Variants in CFAP61 observed in about 807,000 individuals in gnomAD.
CFAP61 encodes the protein cilia- and flagella-associated protein 61.
In CFAP61, 107 loss-of-function variants were observed where a neutral mutation model predicts 135.6. That is an observed-to-expected ratio of 0.79 (90% CI 0.67 to 0.93). The LOEUF (loss-of-function observed/expected upper bound fraction) is 0.93. CFAP61 is among the 40% of genes least tolerant of loss of function. The pLI is 0.00. For synonymous variants in CFAP61, 575 were observed against 578.5 expected (o/e 0.99, Z 0.09); for missense variants, 1,507 against 1,556.2 (o/e 0.97, Z 0.53).
chr20:20,085,450 A>G, intron 6 of CFAP61: 1 of 1,365,806 alleles, frequency 7.3e-7, no homozygotes, highest in Non-Finnish European at 9.8e-7. Context: ...CTCTTTATCC[A>G]TTTTGGGAAA....
intron 25 of CFAP61, among the ~76,000 whole-genome samples, chr20:20,314,778 T>C (rs1418393072): frequency 3.7e-5 from 5 of 133,726 alleles, no homozygotes; most frequent in Non-Finnish European, 7.8e-5. Flanking sequence ...TGAGTGAGAA[T>C]ATGCGGTGTT....
intron 25 of CFAP61, among the ~76,000 whole-genome samples, chr20:20,341,483 T>C (rs530674555): frequency 6.6e-6 from 1 of 152,346 alleles, no homozygotes; most frequent in South Asian, 2.1e-4. Flanking sequence ...AATTTATTTA[T>C]GCAGCAGTTA....
intron 12 of CFAP61, among the ~76,000 whole-genome samples, chr20:20,167,681 T>C (rs1341257665): frequency 6.6e-6 from 1 of 152,146 alleles, no homozygotes; most frequent in Non-Finnish European, 1.5e-5. Context: ...AGTCCTTATT[T>C]TCAACTTGAG....
intron 25 of CFAP61, among the ~76,000 whole-genome samples, chr20:20,326,798 T>A (rs1460925304): frequency 6.6e-6 from 1 of 152,210 alleles, no homozygotes; most frequent in East Asian, 1.9e-4. Context: ...TCTTCTTAGC[T>A]ATTCTTTCCG....
chr20:20,327,347 G>A (rs917540833), intron 25 of CFAP61, among the ~76,000 whole-genome samples: 1 of 152,132 alleles, frequency 6.6e-6, no homozygotes, highest in Non-Finnish European at 1.5e-5. Flanking sequence ...ATGGGAAAGA[G>A]ACAATGAACA....
At chr20:20,347,987 G>GA (rs1412850594) in intron 26 of CFAP61, among the ~76,000 whole-genome samples, 1 of 136,572 alleles carries the variant, frequency 7.3e-6, no homozygotes, top group African/African-American at 2.7e-5. Context: ...AGAAGAAATA[G>GA]AAAATCTCAA....
At chr20:20,117,954 C>A (rs891555157) in intron 8 of CFAP61, among the ~76,000 whole-genome samples, 1 of 152,088 alleles carries the variant, frequency 6.6e-6, no homozygotes, top group Admixed American at 6.5e-5. Context: ...TGCAACTTTA[C>A]TGAATTTATT....
At chr20:20,120,513 T>G (rs985877214) in intron 8 of CFAP61, among the ~76,000 whole-genome samples, 5 of 152,230 alleles carry the variant, frequency 3.3e-5, no homozygotes, top group African/African-American at 7.2e-5. Flanking sequence ...TCTACTTTTT[T>G]GAATTTGTTG....
chr20:20,241,695 A>G (rs1258635054), intron 18 of CFAP61, among the ~76,000 whole-genome samples: 1 of 152,214 alleles, frequency 6.6e-6, no homozygotes, highest in Non-Finnish European at 1.5e-5. Context: ...AAAGGCCTAT[A>G]TATAACTATT....
intron 11 of CFAP61, among the ~76,000 whole-genome samples, chr20:20,165,219 G>C (rs1377930675): frequency 6.6e-6 from 1 of 152,150 alleles, no homozygotes; most frequent in African/African-American, 2.4e-5. Context: ...GACTTGCCGG[G>C]ATGGGCCCAG....
At chr20:20,241,685 AAAGGCCT>A (rs2050022239) in intron 18 of CFAP61, among the ~76,000 whole-genome samples, 1 of 152,228 alleles carries the variant, frequency 6.6e-6, no homozygotes, top group Admixed American at 6.5e-5. Flanking sequence ...GAGATGTAAA[AAAGGCCT>A]ATATATAACT....
rs565368604 is a variant in CFAP61, at chr20:20,315,830, G to C, written c.3422+17444G>C. On this transcript the variant is annotated intron_variant, in intron 25 of 26. Coordinates refer to ENST00000245957, the MANE Select transcript of CFAP61 (RefSeq NM_015585.4). ...CATTGCTTGTTTTTCTCAGGTTTGT[G>C]AAAGATCAGATAGTTGTAGATACAT... Among the ~76,000 whole-genome samples the C allele has an allele frequency of 2.1e-3, 321 of 152,196 alleles. 3 individuals are homozygous for C. The highest frequency in any genetic ancestry group is 0.01 in the Middle Eastern group (3 of 294).
At chr20:20,177,398 T>A (rs1332855396) in intron 13 of CFAP61, among the ~76,000 whole-genome samples, 1 of 151,984 alleles carries the variant, frequency 6.6e-6, no homozygotes, top group East Asian at 1.9e-4. Flanking sequence ...AGGCAGGGCT[T>A]TAGGGTTTGT....
chr20:20,170,768 AT>A (rs2054163785), intron 13 of CFAP61, among the ~76,000 whole-genome samples: 1 of 152,240 alleles, frequency 6.6e-6, no homozygotes, highest in Admixed American at 6.5e-5. Context: ...AATTTAGTAC[AT>A]TATGATGACG....
At chr20:20,278,464 T>A (rs1394150219) in intron 22 of CFAP61, among the ~76,000 whole-genome samples, 1 of 152,164 alleles carries the variant, frequency 6.6e-6, no homozygotes, top group Non-Finnish European at 1.5e-5. Context: ...TCCATCTCAC[T>A]GAGAAGCAGG....
chr20:20,107,627 T>A (rs6035550), intron 8 of CFAP61: 103,459 of 143,308 alleles, frequency 0.72, 35,639 homozygotes, highest in South Asian at 0.75. Context: ...CTTAAAAAAA[T>A]TTTTTTTCTT....
intron 17 of CFAP61, among the ~76,000 whole-genome samples, chr20:20,222,251 A>G (rs2048453512): frequency 6.6e-6 from 1 of 152,252 alleles, no homozygotes; most frequent in Admixed American, 6.5e-5. Context: ...CAAAATAATG[A>G]TAATGCCCAA....
intron 25 of CFAP61, among the ~76,000 whole-genome samples, chr20:20,317,561 T>C (rs989737676): frequency 2.6e-5 from 4 of 152,202 alleles, no homozygotes; most frequent in African/African-American, 7.2e-5. Flanking sequence ...TGTGACTTAT[T>C]GTTCACTCTA....
chr20:20,155,184 G>A (rs541510891), intron 9 of CFAP61, among the ~76,000 whole-genome samples: 14 of 152,022 alleles, frequency 9.2e-5, no homozygotes, highest in Admixed American at 5.9e-4. Context: ...AAAGGACACC[G>A]TATTCAACAA....
Sources: gnomAD v4.1 joint callset for allele counts (sites outside exome capture counted in the v4.1 genomes callset) on GRCh38, gnomAD v4.1.1 for gene constraint, MANE v1.5 for transcripts, NCBI Gene and HGNC (gene_info 2026-07-23, HGNC 2026-07-21) for gene names.